Variants in GTF2IRD1 observed in about 807,000 individuals in gnomAD.
The protein encoded by GTF2IRD1 is general transcription factor II-I repeat domain-containing protein 1.
GTF2IRD1 carries 26 observed loss-of-function variants against 113.2 expected under a neutral mutation model. That is an observed-to-expected ratio of 0.23 (90% CI 0.17 to 0.32). The LOEUF is 0.32. GTF2IRD1 is among the 10% of genes least tolerant of loss of function. The pLI, the probability that GTF2IRD1 is intolerant of heterozygous loss-of-function variation, is 1.00. For synonymous variants in GTF2IRD1, 484 were observed against 529.1 expected, an observed-to-expected ratio of 0.91 and a Z score of 1.17; for missense variants, 864 against 1,280.8, an observed-to-expected ratio of 0.67 and a Z score of 4.97.
At chr7:74,531,937 A>G (rs1247892322) in intron 9 of GTF2IRD1, among the ~76,000 whole-genome samples, 4 of 152,128 alleles carry the variant, frequency 2.6e-5, no homozygotes, top group Admixed American at 6.5e-5. Context: ...CTACTGGGAT[A>G]CAATAGAATC....
chr7:74,579,327 G>A (rs587769348), intron 22 of GTF2IRD1, among the ~76,000 whole-genome samples: 1 of 152,106 alleles, frequency 6.6e-6, no homozygotes, highest in Non-Finnish European at 1.5e-5. Context: ...TGAAAAGGAA[G>A]AGGAAGAAGG....
At chr7:74,497,270 A>G (rs2129759972) in intron 1 of GTF2IRD1, among the ~76,000 whole-genome samples, 1 of 152,296 alleles carries the variant, frequency 6.6e-6, no homozygotes, top group East Asian at 1.9e-4. Context: ...TGATTTGCAT[A>G]CTCATGTTAA....
chr7:74,514,870 A>G (rs2130163410), intron 3 of GTF2IRD1, among the ~76,000 whole-genome samples: 1 of 152,074 alleles, frequency 6.6e-6, no homozygotes, highest in South Asian at 2.1e-4. Context: ...CAGCCTGGCC[A>G]ACATGGTGAG....
At chr7:74,547,318 AC>A (rs1562858723) in intron 17 of GTF2IRD1, 32 bp downstream of exon 17, 1 of 1,543,568 alleles carries the variant, frequency 6.5e-7, no homozygotes, top group Non-Finnish European at 8.8e-7. Context: ...GGGAGACAGC[AC>A]CGGCCCTGCT....
chr7:74,515,522 G>A lies in GTF2IRD1; in HGVS notation c.347G>A (p.Arg116Gln), dbSNP rs141229377. ...RGEGGGRSLPRSSLEHGSDVY... is the reference protein window; with the variant it reads ...RGEGGGRSLPQSSLEHGSDVY... ...GAGGGTGGAGGCCGTAGCCTCCCTC[G>A]GTCCTCCCTGGAACATGGCTCAGAT... Residue 116 changes from arginine to glutamine, a missense_variant, in exon 4 of 27, where the codon CGG becomes CAG. Physicochemically the swap from Arg to Gln is conservative, Grantham distance 43 (BLOSUM62 1). This residue lies in a region of GTF2IRD1 where 182 missense variants were observed against 266.6 expected (regional missense o/e 0.68). Coordinates refer to ENST00000424337, the MANE Select transcript of GTF2IRD1 (RefSeq NM_005685.4). 3.5e-5 allele frequency: 57 copies of A among 1,613,854 alleles called. No homozygotes were observed. The East Asian group carries it at 4.0e-4, about 11-fold the overall frequency.
At chr7:74,547,430 A>C in intron 17 of GTF2IRD1, 144 bp downstream of exon 17, 2 of 532,286 alleles carry the variant, frequency 3.8e-6, no homozygotes, top group Non-Finnish European at 6.5e-6. Context: ...GTGTGCCACC[A>C]TGCCCAGCCT....
chr7:74,528,976 TGGATGGATGGATAGAC>T (rs1464903270), intron 8 of GTF2IRD1, among the ~76,000 whole-genome samples: 2 of 145,764 alleles, frequency 1.4e-5, no homozygotes, highest in African/African-American at 5.0e-5. Context: ...GATGGATGGA[TGGATGGATGGATAGAC>T]GGATGGATGG....
intron 1 of GTF2IRD1, among the ~76,000 whole-genome samples, chr7:74,480,546 C>T (rs1223543126): frequency 6.6e-6 from 1 of 152,212 alleles, no homozygotes; most frequent in Non-Finnish European, 1.5e-5. Context: ...CATAGGCACG[C>T]AGGCCCGCGT....
chr7:74,561,572 C>G (rs1448326881), intron 22 of GTF2IRD1, among the ~76,000 whole-genome samples: 2 of 150,654 alleles, frequency 1.3e-5, no homozygotes, highest in Admixed American at 6.6e-5. Flanking sequence ...CACTGGATGC[C>G]AGAAGTGTGT....
In GTF2IRD1 at chr7:74,458,187, T is replaced by C. The variant is rs532909685; in HGVS notation, c.-7+4011T>C. Among the ~76,000 whole-genome samples the C allele has an allele frequency of 9.2e-5, 14 of 151,968 alleles. No individual in the cohort carries two copies. In the South Asian group the frequency reaches 1.0e-3, roughly 11 times the overall value. ...CGCCCGGTCCTGAGTTCAGTTTTGA[T>C]TGGGGGGCTTCCGGGATAATATGGG... On this transcript the variant is annotated intron_variant, in intron 1 of 26. Transcript: ENST00000424337.
intron 25 of GTF2IRD1, among the ~76,000 whole-genome samples, chr7:74,595,711 G>A (rs1157346790): frequency 1.3e-5 from 2 of 152,166 alleles, no homozygotes; most frequent in Admixed American, 6.5e-5. Flanking sequence ...AAACCTGCAG[G>A]TGCCCTGCAG....
intron 1 of GTF2IRD1, among the ~76,000 whole-genome samples, chr7:74,496,622 G>A (rs1301290538): frequency 8.1e-5 from 12 of 147,386 alleles, no homozygotes; most frequent in Admixed American, 2.7e-4. Context: ...GTGGGTGTGC[G>A]TGTGGGTGTG....
intron 6 of GTF2IRD1, among the ~76,000 whole-genome samples, chr7:74,520,885 T>TATTATA (rs1407258958): frequency 1.4e-5 from 2 of 139,598 alleles, no homozygotes; most frequent in Admixed American, 7.3e-5. Flanking sequence ...TTATTATTAT[T>TATTATA]ATAAGGGGGA....
rs782586039 is a variant in GTF2IRD1 at position 74,555,475 on chromosome 7, G to A, written c.2004G>A (p.Leu668=). 6.2e-7 allele frequency: 1 copy of A among 1,610,232 alleles called. No homozygotes were observed. Among genetic ancestry groups the A allele is most frequent in the Non-Finnish European group, 8.5e-7 (1 of 1,176,438 alleles). Residue 668 remains leucine, a synonymous_variant, in exon 19 of 27, where the codon CTG becomes CTA. Coordinates refer to ENST00000424337, the MANE Select transcript of GTF2IRD1 (RefSeq NM_005685.4). The surrounding 1 kb of genome is among the most constrained non-coding windows in gnomAD (Gnocchi z 5.3). ...GGGACCCTCTGGTGGACGAGAGCCT[G>A]AAGAGACAGGGCTTTCAAGGTAAGG... ...DSGDPLVDES[L]KRQGFQENYD... is the part of the protein sequence containing the mutation.
At chr7:74,471,499 A>AC (rs1285122450) in intron 1 of GTF2IRD1, among the ~76,000 whole-genome samples, 23 of 151,898 alleles carry the variant, frequency 1.5e-4, no homozygotes, top group African/African-American at 5.6e-4. Flanking sequence ...ACAGAGCGAG[A>AC]CCCCATCTCT....
At chr7:74,509,894 C>A (rs1455932315) in intron 2 of GTF2IRD1, among the ~76,000 whole-genome samples, 1 of 152,126 alleles carries the variant, frequency 6.6e-6, no homozygotes, top group African/African-American at 2.4e-5. Context: ...CCAGGATGGT[C>A]ACAATCTCTT....
intron 9 of GTF2IRD1, among the ~76,000 whole-genome samples, chr7:74,530,896 C>T (rs587636034): frequency 1.5e-3 from 230 of 152,256 alleles, no homozygotes; most frequent in Non-Finnish European, 2.6e-3. Context: ...TGGCGAGACC[C>T]CATCTCTGCA....
At chr7:74,468,676 CTGTGTGTGTG>C (rs61694825) in intron 1 of GTF2IRD1, among the ~76,000 whole-genome samples, 65 of 129,412 alleles carry the variant, frequency 5.0e-4, no homozygotes, top group South Asian at 1.0e-3. Flanking sequence ...AAAAAAAAAA[CTGTGTGTGTG>C]TGTGTGTGTG....
At chr7:74,531,331 A>G (rs1476469804) in intron 9 of GTF2IRD1, among the ~76,000 whole-genome samples, 2 of 152,190 alleles carry the variant, frequency 1.3e-5, no homozygotes, top group Admixed American at 6.6e-5. Flanking sequence ...AGATGGCACA[A>G]CTGCACTCCA....
Sources: allele counts gnomAD v4.1 joint callset (sites outside exome capture counted in the v4.1 genomes callset), GRCh38; gene constraint gnomAD v4.1.1; regional missense constraint gnomAD v4.1.1; non-coding constraint Gnocchi (gnomAD v3.1); transcripts MANE v1.5; gene names NCBI Gene and HGNC (gene_info 2026-07-23, HGNC 2026-07-21).